TUBGCP5: variants seen among roughly 807,000 people sequenced by gnomAD.
The protein encoded by TUBGCP5 is tubulin gamma complex component 5.
Under a neutral mutation model 134.7 loss-of-function variants are expected in TUBGCP5, and 98 were observed. The ratio of observed to expected loss-of-function variants is 0.73; its 90% CI spans 0.62 to 0.86. The LOEUF (loss-of-function observed/expected upper bound fraction) is 0.86. Among genes scored for constraint, TUBGCP5 ranks in the 40% least tolerant of loss-of-function variants. The pLI, the probability that TUBGCP5 is intolerant of heterozygous loss-of-function variation, is 0.00. For missense variants in TUBGCP5, 1,150 were observed against 1,244.8 expected, an observed-to-expected ratio of 0.92 and a Z score of 1.15; for synonymous variants, 456 against 431.4, an observed-to-expected ratio of 1.06 and a Z score of -0.71.
rs2065213039 is a variant in TUBGCP5, at chr15:23,014,602, A to G, written c.1756+3171T>C. 2.0e-5 allele frequency among the ~76,000 whole-genome samples: 3 copies of G among 152,198 alleles called. No individual in the cohort carries two copies. The South Asian group carries it at 6.2e-4, about 32-fold the overall frequency. On this transcript the variant is annotated intron_variant, in intron 13 of 22. Coordinates refer to ENST00000615383, the MANE Select transcript of TUBGCP5 (RefSeq NM_052903.6). ...CAGCCTCATGGGCTGCCACTGGCAG[A>G]TACATACCTAGGACGGCCAACAAGC...
At chr15:23,029,147 G>A (rs2066150588) in intron 6 of TUBGCP5, among the ~76,000 whole-genome samples, 1 of 152,120 alleles carries the variant, frequency 6.6e-6, no homozygotes, top group South Asian at 2.1e-4. Context: ...ATTATGTTAA[G>A]GCAATCAAGC....
rs2066383274 is a variant in TUBGCP5, at chr15:23,032,734, C to T, written c.400G>A (p.Glu134Lys). Residue 134 changes from glutamate to lysine, a missense_variant, in exon 4 of 23, where the codon GAA becomes AAA. This residue lies in a region of TUBGCP5 where 453 missense variants were observed against 394.7 expected (regional missense o/e 1.15). Transcript: ENST00000615383. ...AAGGAATCTAGTAACATACCCACTT[C>T]TTTATTTCTTGGTGTCTCCACATAA... Reference protein sequence around the residue: ...SSYVETPRNKEVEKKDDFDWG... With the variant: ...SSYVETPRNKKVEKKDDFDWG... 6.4e-7 allele frequency: 1 copy of T among 1,574,150 alleles called. No homozygotes were observed. Among genetic ancestry groups the T allele is most frequent in the Non-Finnish European group, 8.6e-7 (1 of 1,164,166 alleles).
At chr15:23,005,908 T>C (rs543680090) in intron 18 of TUBGCP5, 144 bp downstream of exon 18, 2 of 902,526 alleles carry the variant, frequency 2.2e-6, no homozygotes, top group South Asian at 3.8e-5. Flanking sequence ...ATTTTGGCAT[T>C]TGTGTACACA....
At chr15:23,019,098 G>T in intron 12 of TUBGCP5, 121 bp downstream of exon 12, 1 of 614,682 alleles carries the variant, frequency 1.6e-6, no homozygotes, top group Admixed American at 3.1e-5. Flanking sequence ...ATGACGACAA[G>T]TTCTGTGATG....
At chr15:23,025,976 A>G in intron 8 of TUBGCP5, 140 bp downstream of exon 8, 2 of 608,374 alleles carry the variant, frequency 3.3e-6, no homozygotes, top group Non-Finnish European at 5.7e-6. Flanking sequence ...CTCCACAGTC[A>G]AATCTGGTCC....
rs1342987644 is a variant in TUBGCP5, at chr15:23,017,960, A to G, written c.1569T>C (p.Asn523=). 4.3e-6 allele frequency: 7 copies of G among 1,613,810 alleles called. 1 individual carries two copies. In the South Asian group the frequency reaches 7.7e-5, roughly 18 times the overall value. The change falls in exon 13 of 23, where the codon AAT becomes AAC. Residue 523 remains asparagine, a synonymous_variant. Coordinates refer to ENST00000615383, the MANE Select transcript of TUBGCP5 (RefSeq NM_052903.6). ...TLYSVSEKTE[N]EEKMSDNASA... The stretch of plus-strand genomic sequence containing the variant: ...TAGCGTTATCACTCATTTTTTCTTC[A>G]TTTTCTGTCTTTTCTGATACGCTAT...
intron 6 of TUBGCP5, among the ~76,000 whole-genome samples, chr15:23,029,577 G>A (rs560004622): frequency 1.3e-5 from 2 of 152,142 alleles, no homozygotes; most frequent in African/African-American, 4.8e-5. Flanking sequence ...AAGAATAAAA[G>A]TTCACAAATA....
intron 16 of TUBGCP5, 67 bp from the exon 17 acceptor site, chr15:23,006,419 T>C: frequency 9.2e-7 from 1 of 1,090,304 alleles, no homozygotes; most frequent in South Asian, 1.4e-5. Flanking sequence ...TCTTTTAAAA[T>C]AATTGGTATT....
intron 23 of TUBGCP5, among the ~76,000 whole-genome samples, chr15:22,992,213 G>A (rs1181081800): frequency 6.6e-6 from 1 of 152,088 alleles, no homozygotes; most frequent in African/African-American, 2.4e-5. Flanking sequence ...TGTGGCTCCC[G>A]AAGGAGGCAT....
At chr15:23,001,223 T>G (rs1403488808) in intron 21 of TUBGCP5, among the ~76,000 whole-genome samples, 1 of 151,696 alleles carries the variant, frequency 6.6e-6, no homozygotes, top group Non-Finnish European at 1.5e-5. Flanking sequence ...TTGTATTTTT[T>G]GTAGAGATGG....
At position 23,013,259 on chromosome 15, in the gene TUBGCP5, T is replaced by G. The variant is rs554178542; in HGVS notation, c.1757-1928A>C. ...TGAGGTCAGGGGATCGAGACCATAC[T>G]GGCTAGTATGGTAAAACCCCGTCTC... On this transcript the variant is annotated intron_variant, in intron 13 of 22. Transcript: ENST00000615383. This position sits in a 1 kb window ranked among gnomAD's most constrained non-coding sequence, Gnocchi z 4.5. 6.6e-6 allele frequency among the ~76,000 whole-genome samples: 1 copy of G among 152,010 alleles called. No homozygotes were observed. Among genetic ancestry groups the G allele is most frequent in the East Asian group, 1.9e-4 (1 of 5,150 alleles).
intron 5 of TUBGCP5, among the ~76,000 whole-genome samples, chr15:23,031,319 CT>C (rs950599993): frequency 1.7e-3 from 241 of 144,224 alleles, no homozygotes; most frequent in Middle Eastern, 7.2e-3. Context: ...CTTTTAACTT[CT>C]TTTTTTTTTT....
At chr15:23,007,295 C>T (rs778297149) in intron 16 of TUBGCP5, among the ~76,000 whole-genome samples, 2 of 152,102 alleles carry the variant, frequency 1.3e-5, no homozygotes, top group Non-Finnish European at 2.9e-5. Flanking sequence ...GAGGCTGAGG[C>T]AGGAAAATGG....
rs150191233 is a variant in TUBGCP5 at position 23,010,031 on chromosome 15, C to T, written c.2058G>A (p.Thr686=). The T allele has an allele frequency of 4.9e-3, 7,930 of 1,614,088 alleles. 47 individuals are homozygous for T. The highest frequency in any genetic ancestry group is 5.9e-3 in the South Asian group (540 of 91,074). Residue 686 remains threonine, a synonymous_variant, in exon 15 of 23, where the codon ACG becomes ACA. Transcript: ENST00000615383. ...ESVTCQTFEL[T]LRSCLYPHID... is the part of the protein sequence containing the mutation. ...TATGAGGATAGAGGCAGGATCTCAG[C>T]GTTAATTCAAAAGTCTGGCATGTCA...
intron 1 of TUBGCP5, among the ~76,000 whole-genome samples, chr15:23,038,081 T>C (rs1044525745): frequency 3.3e-5 from 5 of 152,050 alleles, no homozygotes; most frequent in Non-Finnish European, 7.4e-5. Context: ...TTCAAGAATG[T>C]AAACATGAAC....
At chr15:22,994,410 G>C (rs1424907842), downstream of TUBGCP5, among the ~76,000 whole-genome samples, 13 of 152,168 alleles carry the variant, frequency 8.5e-5, no homozygotes, top group Admixed American at 8.5e-4. Context: ...TTACAGATAG[G>C]ATAGGGCGAT....
At chr15:22,984,892 C>T (rs1001146010) in intron 23 of TUBGCP5, among the ~76,000 whole-genome samples, 14 of 151,888 alleles carry the variant, frequency 9.2e-5, no homozygotes, top group Non-Finnish European at 2.9e-5. Flanking sequence ...TTGATTTGAT[C>T]GAAATTTAAA....
At chr15:22,984,820 G>C (rs2063633697) in intron 23 of TUBGCP5, among the ~76,000 whole-genome samples, 1 of 152,130 alleles carries the variant, frequency 6.6e-6, no homozygotes, top group Non-Finnish European at 1.5e-5. Flanking sequence ...TAACGGTAGA[G>C]TAGAGGAAGG....
chr15:22,996,648 C>T (rs2064093126), downstream of TUBGCP5, among the ~76,000 whole-genome samples: 1 of 152,028 alleles, frequency 6.6e-6, no homozygotes, highest in Non-Finnish European at 1.5e-5. Flanking sequence ...TCACCACACC[C>T]AGCTATTTTT....
Sources: gnomAD v4.1 joint callset for allele counts (sites outside exome capture counted in the v4.1 genomes callset) on GRCh38, gnomAD v4.1.1 for gene constraint, gnomAD v4.1.1 regional missense constraint, Gnocchi (gnomAD v3.1) non-coding constraint, MANE v1.5 for transcripts, NCBI Gene and HGNC (gene_info 2026-07-23, HGNC 2026-07-21) for gene names.